ARHGAP22: variants seen among roughly 807,000 people sequenced by gnomAD.
ARHGAP22 encodes the protein rho GTPase-activating protein 22.
A neutral mutation model predicts 59.1 loss-of-function variants in ARHGAP22; 48 were observed. The observed-to-expected ratio is 0.81, with a 90% confidence interval of 0.64 to 1.03. The LOEUF (loss-of-function observed/expected upper bound fraction) is 1.03. ARHGAP22 is among the 50% of genes least tolerant of loss of function. The pLI is 0.00. For synonymous variants in ARHGAP22, 445 were observed against 416.4 expected, an observed-to-expected ratio of 1.07 and a Z score of -0.84; for missense variants, 1,015 against 958.7, an observed-to-expected ratio of 1.06 and a Z score of -0.78.
At chr10:48,574,157 A>G (rs527404719) in intron 2 of ARHGAP22, among the ~76,000 whole-genome samples, 1 of 152,368 alleles carries the variant, frequency 6.6e-6, no homozygotes, top group Admixed American at 6.5e-5. Context: ...TACAAAAGCA[A>G]TAAATTATTT....
At chr10:48,620,378 G>A (rs2061243182) in intron 1 of ARHGAP22, among the ~76,000 whole-genome samples, 1 of 152,130 alleles carries the variant, frequency 6.6e-6, no homozygotes, top group Non-Finnish European at 1.5e-5. Flanking sequence ...GGAGAAGCAG[G>A]CTCAGAGATG....
chr10:48,651,263 A>G (rs1274279846), intron 1 of ARHGAP22, among the ~76,000 whole-genome samples: 2 of 152,084 alleles, frequency 1.3e-5, no homozygotes, highest in Non-Finnish European at 2.9e-5. Flanking sequence ...AGAATTTCCA[A>G]TCTTTACCAG....
chr10:48,639,037 A>C (rs989853949), intron 1 of ARHGAP22, among the ~76,000 whole-genome samples: 1 of 152,234 alleles, frequency 6.6e-6, no homozygotes. Flanking sequence ...AAAACTTCTA[A>C]ACTTTGAGTA....
chr10:48,604,613 C>T (rs1400364210), intron 1 of ARHGAP22, 150 bp downstream of exon 1: 2 of 1,313,268 alleles, frequency 1.5e-6, no homozygotes, highest in Non-Finnish European at 2.1e-6. Flanking sequence ...AGGAAGGGCA[C>T]TTCCTCAGGA....
intron 3 of ARHGAP22, among the ~76,000 whole-genome samples, chr10:48,544,075 A>G (rs567655697): frequency 1.1e-4 from 17 of 152,182 alleles, no homozygotes; most frequent in African/African-American, 4.1e-4. Flanking sequence ...GTGAGCCAAG[A>G]TCGTGCCACT....
At chr10:48,466,085 CA>C (rs112915296) in intron 4 of ARHGAP22, among the ~76,000 whole-genome samples, 1 of 152,228 alleles carries the variant, frequency 6.6e-6, no homozygotes, top group African/African-American at 2.4e-5. Context: ...AGGCTAAGCT[CA>C]CCTGGAAGGG....
At chr10:48,600,136 G>T (rs1008282014) in intron 1 of ARHGAP22, among the ~76,000 whole-genome samples, 1 of 152,182 alleles carries the variant, frequency 6.6e-6, no homozygotes, top group Non-Finnish European at 1.5e-5. Flanking sequence ...TAGGACATTT[G>T]CATGTAATGG....
chr10:48,453,670 ACT>A (rs1479839012), intron 7 of ARHGAP22, among the ~76,000 whole-genome samples: 1 of 152,084 alleles, frequency 6.6e-6, no homozygotes, highest in Non-Finnish European at 1.5e-5. Context: ...GGAGGACAAG[ACT>A]CTGCAAATTG....
At chr10:48,554,901 C>G (rs1036090876) in intron 3 of ARHGAP22, among the ~76,000 whole-genome samples, 11 of 152,220 alleles carry the variant, frequency 7.2e-5, no homozygotes, top group Admixed American at 6.5e-4. Flanking sequence ...AAAACACTGG[C>G]TGACAGCAGA....
intron 5 of ARHGAP22, among the ~76,000 whole-genome samples, chr10:48,457,654 G>C (rs1425761915): frequency 6.6e-6 from 1 of 152,198 alleles, no homozygotes; most frequent in Non-Finnish European, 1.5e-5. Context: ...GTGCCCAGGG[G>C]ACACTGTGCT....
chr10:48,644,543 T>A (rs2062208788), intron 1 of ARHGAP22, among the ~76,000 whole-genome samples: 1 of 152,156 alleles, frequency 6.6e-6, no homozygotes, highest in African/African-American at 2.4e-5. Context: ...ATAAAACAAG[T>A]CCTGATCAAT....
chr10:48,607,307 T>A (rs917243216), upstream of ARHGAP22, among the ~76,000 whole-genome samples: 2 of 152,188 alleles, frequency 1.3e-5, no homozygotes, highest in African/African-American at 4.8e-5. Context: ...GGATCAGAGC[T>A]GGGCTCACAC....
At chr10:48,432,718 A>G in the ARHGAP22 span, among the ~76,000 whole-genome samples, 3 of 152,324 alleles carry the variant, frequency 2.0e-5, no homozygotes, top group South Asian at 6.2e-4. Context: ...TAATTTCATG[A>G]GTTAGAGCAT....
At chr10:48,473,299 A>G (rs2133985983) in intron 4 of ARHGAP22, among the ~76,000 whole-genome samples, 1 of 152,088 alleles carries the variant, frequency 6.6e-6, no homozygotes, top group East Asian at 1.9e-4. Context: ...CAAATTTATA[A>G]AGACAGAAAG....
chr10:48,554,665 G>C (rs1190851896), intron 3 of ARHGAP22, among the ~76,000 whole-genome samples: 3 of 152,196 alleles, frequency 2.0e-5, no homozygotes, highest in Non-Finnish European at 2.9e-5. Context: ...AAGGACTTGG[G>C]GGGTGGGAGT....
chr10:48,472,138 G>T (rs927663671), intron 4 of ARHGAP22, among the ~76,000 whole-genome samples: 1 of 150,746 alleles, frequency 6.6e-6, no homozygotes, highest in Non-Finnish European at 1.5e-5. Context: ...ACCCGGGGGG[G>T]AAGAGGTTGC....
exon 1 of ARHGAP22, chr10:48,652,236 A>T (rs182153666): frequency 2.6e-6 from 4 of 1,535,376 alleles, no homozygotes; most frequent in Admixed American, 2.0e-5. Context: ...ATTCTTACTG[A>T]AATATCTGGC....
intron 2 of ARHGAP22, among the ~76,000 whole-genome samples, chr10:48,562,181 G>C (rs1163793200): frequency 6.6e-6 from 1 of 150,592 alleles, no homozygotes; most frequent in African/African-American, 2.5e-5. Context: ...AGCTGAGATC[G>C]AGCCACTGCA....
chr10:48,518,920 A>G (rs540375795), intron 3 of ARHGAP22, among the ~76,000 whole-genome samples: 1 of 152,324 alleles, frequency 6.6e-6, no homozygotes, highest in African/African-American at 2.4e-5. Context: ...GAAATTGAGA[A>G]TTCAGTTTTA....
Sources: allele counts gnomAD v4.1 joint callset (sites outside exome capture counted in the v4.1 genomes callset), GRCh38; gene constraint gnomAD v4.1.1; transcripts MANE v1.5; gene names NCBI Gene and HGNC (gene_info 2026-07-23, HGNC 2026-07-21).